The following HIBCH variants were observed in gnomAD, a reference collection of about 807,000 sequenced individuals.
HIBCH encodes 3-hydroxyisobutyryl-CoA hydrolase, mitochondrial.
A neutral mutation model predicts 58.2 loss-of-function variants in HIBCH; 50 were observed. That is an observed-to-expected ratio of 0.86 (90% confidence interval 0.68 to 1.09). The LOEUF (loss-of-function observed/expected upper bound fraction) is 1.09. HIBCH is among the 50% of genes least tolerant of loss of function. HIBCH has a pLI of 0.00. For missense variants in HIBCH, 450 were observed against 449.7 expected, an observed-to-expected ratio of 1.00 and a Z score of -0.01; for synonymous variants, 151 against 146.9, an observed-to-expected ratio of 1.03 and a Z score of -0.20.
At chr2:190,190,351 T>C (rs1190102249) in intron 1 of HIBCH, among the ~76,000 whole-genome samples, 2 of 152,220 alleles carry the variant, frequency 1.3e-5, no homozygotes, top group African/African-American at 4.8e-5. Context: ...TGTCTGAGAT[T>C]CATCCATGTG....
chr2:190,307,896 G>T (rs1688455227), intron 2 of HIBCH, among the ~76,000 whole-genome samples: 1 of 152,094 alleles, frequency 6.6e-6, no homozygotes, highest in Non-Finnish European at 1.5e-5. Context: ...TCTTGGAAGG[G>T]TCACCGTGAA....
In HIBCH at chr2:190,217,569, C is replaced by T. The variant is rs1183826056; in HGVS notation, c.892-4494G>A. ...CTACTAACCTTTCTACTATGAAAAT[C>T]AAAGACCAATTTTTTAAAAATTATA... On this transcript the variant is annotated intron_variant, in intron 11 of 13. Transcript: ENST00000359678. This position sits in a 1 kb window ranked among gnomAD's most constrained non-coding sequence, Gnocchi z 4.6. Among the ~76,000 whole-genome samples, 1 of 152,178 alleles carries T rather than the reference C, an allele frequency of 6.6e-6. No individual in the cohort carries two copies. The highest frequency in any genetic ancestry group is 1.5e-5 in the Non-Finnish European group (1 of 68,036).
chr2:190,269,254 G>A (rs1013908743), intron 6 of HIBCH, among the ~76,000 whole-genome samples: 1 of 152,112 alleles, frequency 6.6e-6, no homozygotes, highest in Non-Finnish European at 1.5e-5. Flanking sequence ...AAACTAAAGA[G>A]CTTCTGCACA....
chr2:190,297,371 G>A (rs1219263425), intron 2 of HIBCH, among the ~76,000 whole-genome samples: 1 of 152,180 alleles, frequency 6.6e-6, no homozygotes, highest in African/African-American at 2.4e-5. Context: ...CTTGAGTTGG[G>A]GCTTGATGTA....
rs775079834 is a variant in HIBCH at position 190,205,224 on chromosome 2, CAATT to C, written c.1050_1053del (p.Asp352LysfsTer12). On this transcript the variant is annotated frameshift_variant, in exon 14 of 14. Coordinates refer to ENST00000359678, the MANE Select transcript of HIBCH (RefSeq NM_014362.4). LOFTEE classifies it high-confidence loss of function. ...TTCCATTTTGGACTCTGGTCTTTAT[CAATT>C]AAAACTGTCAAGAGAAGATACAAAT... is the stretch of plus-strand genomic sequence containing the variant. 6.5e-7 allele frequency: 1 copy of C among 1,538,100 alleles called. No homozygotes were observed. Among genetic ancestry groups the C allele is most frequent in the Non-Finnish European group, 9.0e-7 (1 of 1,111,374 alleles).
chr2:190,257,234 T>A (rs1559037723), intron 7 of HIBCH, among the ~76,000 whole-genome samples: 1 of 152,260 alleles, frequency 6.6e-6, no homozygotes, highest in African/African-American at 2.4e-5. Context: ...GAGAAGACTT[T>A]CTGTAGGAAA....
At chr2:190,285,378 C>G (rs1487512669) in intron 6 of HIBCH, among the ~76,000 whole-genome samples, 5 of 152,182 alleles carry the variant, frequency 3.3e-5, no homozygotes, top group Non-Finnish European at 7.3e-5. Flanking sequence ...GCTTCAGATT[C>G]TTTCCCTTCC....
Position 190,236,746 on chromosome 2 carries a change from A to C in HIBCH, c.891+8141T>G, listed in dbSNP as rs1451835987. Reference sequence around the variant, plus strand: ...AGGCTGCCTTTTGCAACCTGATCTTAAGACTTTTCTGGTAATTTCTTAAAG... The same window carrying C: ...AGGCTGCCTTTTGCAACCTGATCTTCAGACTTTTCTGGTAATTTCTTAAAG... On this transcript the variant is annotated intron_variant, in intron 11 of 13. Coordinates refer to ENST00000359678, the MANE Select transcript of HIBCH (RefSeq NM_014362.4). The surrounding 1 kb of genome is among the most constrained non-coding windows in gnomAD (Gnocchi z 4.1). Among the ~76,000 whole-genome samples, 1 of 152,214 alleles carries C rather than the reference A, an allele frequency of 6.6e-6. No individual in the cohort carries two copies. Among genetic ancestry groups the C allele is most frequent in the African/African-American group, 2.4e-5 (1 of 41,464 alleles).
At chr2:190,296,779 G>A (rs774536239) in intron 3 of HIBCH, 34 bp downstream of exon 3, 2 of 1,566,668 alleles carry the variant, frequency 1.3e-6, no homozygotes, top group Middle Eastern at 1.7e-4. Context: ...ACTTTGAAAA[G>A]AATCCATATA....
intron 6 of HIBCH, among the ~76,000 whole-genome samples, chr2:190,262,163 C>CAA (rs982653583): frequency 0.016 from 1,500 of 91,898 alleles, 33 homozygotes; most frequent in African/African-American, 0.051. Context: ...GCGGTAGAGA[C>CAA]AAAAAAAAAA....
At chr2:190,270,229 A>T (rs796906830) in intron 6 of HIBCH, among the ~76,000 whole-genome samples, 36 of 151,926 alleles carry the variant, frequency 2.4e-4, no homozygotes, top group African/African-American at 7.2e-4. Context: ...AATAAAATTT[A>T]AAAAAATGTA....
At chr2:190,259,342 TG>T in intron 7 of HIBCH, among the ~76,000 whole-genome samples, 1 of 150,056 alleles carries the variant, frequency 6.7e-6, no homozygotes, top group African/African-American at 2.5e-5. Context: ...TGTGTGTGTG[TG>T]TGTGTGTGTG....
At chr2:190,223,732 G>A (rs368565066) in intron 11 of HIBCH, among the ~76,000 whole-genome samples, 2 of 152,322 alleles carry the variant, frequency 1.3e-5, no homozygotes, top group South Asian at 2.1e-4. Flanking sequence ...TCAAAGAAGG[G>A]AAGATAAAGA....
rs564499042 is a variant in HIBCH, at chr2:190,232,794, T to C, written c.891+12093A>G. Among the ~76,000 whole-genome samples, 547 of 151,986 alleles carry C rather than the reference T, an allele frequency of 3.6e-3. 2 individuals are homozygous for C. The highest frequency in any genetic ancestry group is 0.012 in the African/African-American group (510 of 41,414). ...TAACATGGTGAAAACCCATCTCTAC[T>C]AAAAGTACAAAAAATTAGCCAGGTG... On this transcript the variant is annotated intron_variant, in intron 11 of 13. Transcript: ENST00000359678.
At chr2:190,229,843 GA>G (rs1686039961) in intron 11 of HIBCH, among the ~76,000 whole-genome samples, 1 of 133,838 alleles carries the variant, frequency 7.5e-6, no homozygotes, top group African/African-American at 3.1e-5. Flanking sequence ...TATATGGCTG[GA>G]TTTTTTTTTT....
intron 6 of HIBCH, among the ~76,000 whole-genome samples, chr2:190,274,745 A>G (rs138846140): frequency 8.2e-4 from 125 of 152,328 alleles, no homozygotes; most frequent in African/African-American, 2.8e-3. Flanking sequence ...TAGCAACTTC[A>G]ACTCGAAAGG....
rs1402461052 is a variant in HIBCH at position 190,215,221 on chromosome 2, G to T, written c.892-2146C>A. 2 of 152,182 alleles carry T rather than the reference G, an allele frequency of 1.3e-5. No individual in the cohort carries two copies. Among genetic ancestry groups the T allele is most frequent in the Non-Finnish European group, 2.9e-5 (2 of 68,036 alleles). 9.4% of individuals were successfully genotyped at this position (152,182 alleles called of 1,614,324 possible). A position where few individuals can be genotyped will look rare whatever the true frequency, so the allele number is the denominator to read the frequency against. ...TGAATATTGTGTTTACTGGGGAAGAGAGGGGAATAATTATAAGGGCAGCCA... is the reference window on the plus strand; with the variant it reads ...TGAATATTGTGTTTACTGGGGAAGATAGGGGAATAATTATAAGGGCAGCCA... On this transcript the variant is annotated intron_variant, in intron 11 of 13. Coordinates refer to ENST00000359678, the MANE Select transcript of HIBCH (RefSeq NM_014362.4). This position sits in a 1 kb window ranked among gnomAD's most constrained non-coding sequence, Gnocchi z 4.4.
intron 11 of HIBCH, among the ~76,000 whole-genome samples, chr2:190,226,362 G>A (rs951721331): frequency 1.3e-5 from 2 of 152,130 alleles, no homozygotes; most frequent in Admixed American, 6.6e-5. Context: ...TTGGGAGGTC[G>A]AGGCGGGCAG....
At chr2:190,246,571 A>G (rs1686614172) in intron 9 of HIBCH, among the ~76,000 whole-genome samples, 1 of 152,224 alleles carries the variant, frequency 6.6e-6, no homozygotes, top group African/African-American at 2.4e-5. Context: ...TTCACACCAT[A>G]TACCTGGTAT....
Sources: gnomAD v4.1 joint callset for allele counts (sites outside exome capture counted in the v4.1 genomes callset) on GRCh38, gnomAD v4.1.1 for gene constraint, Gnocchi (gnomAD v3.1) non-coding constraint, MANE v1.5 for transcripts, NCBI Gene and HGNC (gene_info 2026-07-23, HGNC 2026-07-21) for gene names.